Variants in KCNIP1 observed in about 807,000 individuals in gnomAD.
KCNIP1 encodes A-type potassium channel modulatory protein KCNIP1.
In KCNIP1, 18 loss-of-function variants were observed where a neutral mutation model predicts 33.0. That is an observed-to-expected ratio of 0.55 (90% confidence interval 0.38 to 0.81). KCNIP1 has a LOEUF of 0.81. Ranked by LOEUF, KCNIP1 falls within the 30% of genes least tolerant of loss-of-function variation. The pLI is 0.00. For missense variants in KCNIP1, 238 were observed against 271.6 expected, an observed-to-expected ratio of 0.88 and a Z score of 0.87; for synonymous variants, 93 against 98.3, an observed-to-expected ratio of 0.95 and a Z score of 0.32.
At chr5:170,698,468 A>G (rs1355829993) in intron 1 of KCNIP1, among the ~76,000 whole-genome samples, 1 of 152,164 alleles carries the variant, frequency 6.6e-6, no homozygotes, top group Admixed American at 6.5e-5. Flanking sequence ...TACATCCTTA[A>G]GTCTCTAGTT....
chr5:170,481,388 C>T (rs1756973132), intron 1 of KCNIP1, among the ~76,000 whole-genome samples: 1 of 146,140 alleles, frequency 6.8e-6, no homozygotes, highest in African/African-American at 2.6e-5. Flanking sequence ...GGCATTAGTA[C>T]TACTCCTGCT....
chr5:170,483,371 A>T (rs1489357385), intron 1 of KCNIP1, among the ~76,000 whole-genome samples: 1 of 152,234 alleles, frequency 6.6e-6, no homozygotes, highest in Non-Finnish European at 1.5e-5. Context: ...GTCACCTTCT[A>T]AATCCCCTTA....
intron 1 of KCNIP1, among the ~76,000 whole-genome samples, chr5:170,588,202 C>G (rs966070836): frequency 6.6e-6 from 1 of 152,150 alleles, no homozygotes; most frequent in Non-Finnish European, 1.5e-5. Context: ...TGCACTTTCT[C>G]GGATGGACAA....
intron 1 of KCNIP1, among the ~76,000 whole-genome samples, chr5:170,539,906 G>T (rs935395866): frequency 2.0e-5 from 3 of 152,164 alleles, no homozygotes; most frequent in Non-Finnish European, 2.9e-5. Flanking sequence ...TCTCAAGGTC[G>T]CAAATATTAA....
At chr5:170,396,119 T>A (rs532077181) in intron 1 of KCNIP1, among the ~76,000 whole-genome samples, 4 of 152,362 alleles carry the variant, frequency 2.6e-5, no homozygotes, top group African/African-American at 7.2e-5. Flanking sequence ...CTTTAGAGGA[T>A]ACACTTCAAC....
intron 1 of KCNIP1, among the ~76,000 whole-genome samples, chr5:170,392,545 G>C (rs1020357903): frequency 1.6e-4 from 25 of 152,188 alleles, no homozygotes; most frequent in Non-Finnish European, 4.4e-5. Context: ...TATCTAGGTA[G>C]GGCATGGTGG....
intron 1 of KCNIP1, chr5:170,376,048 C>T (rs1763988229): frequency 6.6e-6 from 1 of 150,480 alleles, no homozygotes; most frequent in Admixed American, 6.6e-5. Flanking sequence ...CCAAGGCAAA[C>T]TAATTAGTAC....
At chr5:170,412,990 C>T (rs1222222633) in intron 1 of KCNIP1, among the ~76,000 whole-genome samples, 1 of 152,192 alleles carries the variant, frequency 6.6e-6, no homozygotes, top group Non-Finnish European at 1.5e-5. Flanking sequence ...ATGGAAACTG[C>T]AGTGGCGATT....
At chr5:170,724,613 T>A (rs1763945545) in intron 5 of KCNIP1, among the ~76,000 whole-genome samples, 1 of 152,176 alleles carries the variant, frequency 6.6e-6, no homozygotes, top group African/African-American at 2.4e-5. Context: ...ACAAATAAAC[T>A]GCTAAAAATA....
intron 1 of KCNIP1, among the ~76,000 whole-genome samples, chr5:170,622,946 G>A (rs1759664685): frequency 6.6e-6 from 1 of 152,246 alleles, no homozygotes; most frequent in African/African-American, 2.4e-5. Flanking sequence ...TGTGGGGTGG[G>A]AGATGGTTTC....
At chr5:170,723,390 T>C (rs1203683599) in intron 5 of KCNIP1, among the ~76,000 whole-genome samples, 1 of 152,110 alleles carries the variant, frequency 6.6e-6, no homozygotes, top group Non-Finnish European at 1.5e-5. Context: ...CTCTAGCCAG[T>C]GAAATACCCT....
chr5:170,627,144 G>A (rs1424416213), intron 1 of KCNIP1, among the ~76,000 whole-genome samples: 1 of 152,126 alleles, frequency 6.6e-6, no homozygotes, highest in Admixed American at 6.5e-5. Flanking sequence ...GACTTTGCAG[G>A]GAGCACTCTG....
At chr5:170,544,120 A>G (rs1236751701) in intron 1 of KCNIP1, among the ~76,000 whole-genome samples, 3 of 152,192 alleles carry the variant, frequency 2.0e-5, no homozygotes, top group Admixed American at 6.5e-5. Flanking sequence ...AATTCAAGAT[A>G]ACCGACAAGA....
chr5:170,435,624 C>T (rs1273340902), intron 1 of KCNIP1, among the ~76,000 whole-genome samples: 3 of 152,200 alleles, frequency 2.0e-5, no homozygotes, highest in African/African-American at 7.2e-5. Flanking sequence ...AGGACAGGGC[C>T]ATGCTTATTC....
rs114367434 is a variant in KCNIP1, at chr5:170,733,356, T to C, written c.540+452T>C. ...CTTGACTAAGGGAGTGGTATAATCA[T>C]TGGGGCATTTTAGGAAAAAATTAAT... On this transcript the variant is annotated intron_variant, in intron 6 of 7. Coordinates refer to ENST00000328939, the MANE Select transcript of KCNIP1 (RefSeq NM_014592.4). 2.4e-3 allele frequency among the ~76,000 whole-genome samples: 364 copies of C among 152,294 alleles called. 2 individuals are homozygous for C. Among genetic ancestry groups the C allele is most frequent in the African/African-American group, 8.2e-3 (340 of 41,566 alleles).
chr5:170,593,486 T>G (rs1581372976), intron 1 of KCNIP1, among the ~76,000 whole-genome samples: 1 of 152,232 alleles, frequency 6.6e-6, no homozygotes, highest in Admixed American at 6.5e-5. Flanking sequence ...CCGCCTTCCA[T>G]CTCAGTGACA....
chr5:170,462,264 C>CAAAAAAAAAAAAAAAAA (rs760686464), intron 1 of KCNIP1, among the ~76,000 whole-genome samples: 2 of 52,036 alleles, frequency 3.8e-5, no homozygotes, highest in African/African-American at 7.8e-5. Flanking sequence ...AACAAATTAG[C>CAAAAAAAAAAAAAAAAA]AAAAAAAAAA....
chr5:170,390,625 C>T (rs1334192085), intron 1 of KCNIP1, among the ~76,000 whole-genome samples: 4 of 151,066 alleles, frequency 2.6e-5, no homozygotes, highest in African/African-American at 4.9e-5. Flanking sequence ...TATCTCCACC[C>T]TTCACTTGAC....
At chr5:170,662,124 T>G (rs1011825211) in intron 1 of KCNIP1, among the ~76,000 whole-genome samples, 1 of 152,220 alleles carries the variant, frequency 6.6e-6, no homozygotes, top group Non-Finnish European at 1.5e-5. Context: ...AATCCAGGTA[T>G]TGCAGGAAGG....
Sources: gnomAD v4.1 joint callset for allele counts (sites outside exome capture counted in the v4.1 genomes callset) on GRCh38, gnomAD v4.1.1 for gene constraint, MANE v1.5 for transcripts, NCBI Gene and HGNC (gene_info 2026-07-23, HGNC 2026-07-21) for gene names.